The following LRSAM1 variants were observed in gnomAD, a reference collection of about 807,000 sequenced individuals.
The protein encoded by LRSAM1 is leucine rich repeat and sterile alpha motif containing 1.
LRSAM1 carries 96 observed loss-of-function variants against 118.1 expected under a neutral mutation model. The ratio of observed to expected loss-of-function variants is 0.81; its 90% CI spans 0.69 to 0.96. The LOEUF is 0.96. Among genes scored for constraint, LRSAM1 ranks in the 40% least tolerant of loss-of-function variants. The pLI, the probability that LRSAM1 is intolerant of heterozygous loss-of-function variation, is 0.00. For synonymous variants in LRSAM1, 322 were observed against 364.2 expected, an observed-to-expected ratio of 0.88 and a Z score of 1.32; for missense variants, 804 against 915.5, an observed-to-expected ratio of 0.88 and a Z score of 1.57.
At chr9:127,461,952 CA>C (rs1425320245) in intron 8 of LRSAM1, among the ~76,000 whole-genome samples, 1 of 152,238 alleles carries the variant, frequency 6.6e-6, no homozygotes, top group African/African-American at 2.4e-5. Flanking sequence ...GGACCTCACA[CA>C]TCATCTACCT....
At chr9:127,496,888 G>C (rs369551479) in intron 23 of LRSAM1, among the ~76,000 whole-genome samples, 1 of 152,172 alleles carries the variant, frequency 6.6e-6, no homozygotes, top group Non-Finnish European at 1.5e-5. Flanking sequence ...TTAGTGGCTT[G>C]GCCTCCAAGG....
chr9:127,500,953 AG>A, intron 24 of LRSAM1, 56 bp from the exon 25 acceptor site: 1 of 1,612,594 alleles, frequency 6.2e-7, no homozygotes, highest in Non-Finnish European at 8.5e-7. Context: ...ATGAGCCCCC[AG>A]GGGTTAGGGT....
chr9:127,486,144 C>T (rs1835721197), intron 17 of LRSAM1, among the ~76,000 whole-genome samples: 1 of 152,218 alleles, frequency 6.6e-6, no homozygotes, highest in Non-Finnish European at 1.5e-5. Context: ...GTTATTAGCC[C>T]GATTTCACAA....
intron 7 of LRSAM1, among the ~76,000 whole-genome samples, chr9:127,460,847 CTTTTTTTTTT>C (rs58140930): frequency 0.023 from 1,798 of 77,434 alleles, 50 homozygotes; most frequent in African/African-American, 0.083. Flanking sequence ...CTGTTTCTTT[CTTTTTTTTTT>C]TTTTTTTTTT....
At chr9:127,480,899 G>A (rs1252434707) in intron 14 of LRSAM1, among the ~76,000 whole-genome samples, 4 of 152,118 alleles carry the variant, frequency 2.6e-5, no homozygotes, top group Non-Finnish European at 5.9e-5. Flanking sequence ...GGCTGGTCTC[G>A]AACTCCTGAC....
At chr9:127,486,678 T>A (rs549682283) in intron 17 of LRSAM1, 1 of 152,416 alleles carries the variant, frequency 6.6e-6, no homozygotes, top group Admixed American at 6.5e-5. Flanking sequence ...TTCTGCTTAC[T>A]AACCGTGAGG....
In LRSAM1 at chr9:127,462,281, G is replaced by A. The variant is rs555377969; in HGVS notation, c.436G>A (p.Val146Met). The change falls in exon 9 of 26, where the codon GTG becomes ATG. Residue 146 changes from valine (V) to methionine (M), a missense_variant. Physicochemically the swap from Val to Met is conservative, Grantham distance 21. Transcript: ENST00000300417. Reference protein sequence around the residue: ...DNKLKELPDTVGELRSLRTLN... With the variant: ...DNKLKELPDTMGELRSLRTLN... ...CAAGCTGAAGGAGCTTCCAGACACCGTGGGGGAGCTTCGAAGCCTGCGTAC... is the reference window on the plus strand; with the variant it reads ...CAAGCTGAAGGAGCTTCCAGACACCATGGGGGAGCTTCGAAGCCTGCGTAC... 1.5e-5 allele frequency: 25 copies of A among 1,614,104 alleles called. No homozygotes were observed. In the African/African-American group the frequency reaches 1.6e-4, roughly 10 times the overall value.
At chr9:127,463,083 G>A (rs866943744) in intron 9 of LRSAM1, among the ~76,000 whole-genome samples, 1 of 151,634 alleles carries the variant, frequency 6.6e-6, no homozygotes, top group African/African-American at 2.4e-5. Flanking sequence ...TGTAATCCCA[G>A]CTACTCGGGG....
intron 23 of LRSAM1, among the ~76,000 whole-genome samples, chr9:127,496,913 C>G (rs1382502171): frequency 2.0e-5 from 3 of 152,252 alleles, no homozygotes; most frequent in Non-Finnish European, 2.9e-5. Context: ...TCTCCTCCCC[C>G]ACCTGGTGGG....
At chr9:127,463,057 C>G (rs763518698) in intron 9 of LRSAM1, among the ~76,000 whole-genome samples, 16 of 151,742 alleles carry the variant, frequency 1.1e-4, no homozygotes, top group Non-Finnish European at 1.9e-4. Flanking sequence ...ATTATCCAGG[C>G]GTGGTGGTGC....
chr9:127,456,058 C>T (rs1834503792), intron 5 of LRSAM1, among the ~76,000 whole-genome samples: 2 of 150,998 alleles, frequency 1.3e-5, no homozygotes, highest in Admixed American at 6.6e-5. Context: ...TCTGGTCACC[C>T]AGGGGAGATT....
At chr9:127,494,283 G>A (rs1836040714) in intron 21 of LRSAM1, among the ~76,000 whole-genome samples, 2 of 152,226 alleles carry the variant, frequency 1.3e-5, no homozygotes, top group Admixed American at 6.5e-5. Context: ...GGCCCAGCAG[G>A]GATTGAGAAA....
intron 3 of LRSAM1, 133 bp downstream of exon 3, chr9:127,454,732 C>T: frequency 9.6e-7 from 1 of 1,042,102 alleles, no homozygotes; most frequent in Non-Finnish European, 1.5e-6. Flanking sequence ...AAATATTTGA[C>T]TTAGACCCAA....
chr9:127,474,938 G>T (rs1281822254), intron 11 of LRSAM1, among the ~76,000 whole-genome samples: 1 of 152,314 alleles, frequency 6.6e-6, no homozygotes, highest in South Asian at 2.1e-4. Context: ...CTGGGCAGGA[G>T]TACCAGCTGC....
rs535634291 is a variant in LRSAM1, at chr9:127,489,449, G to A, written c.1353G>A (p.Ala451=). 1.1e-4 allele frequency: 180 copies of A among 1,607,590 alleles called. 3 individuals are homozygous for A. In the South Asian group the frequency reaches 1.6e-3, roughly 14 times the overall value. ...KAISQILQES[A]MQKAAFEALQ... ...GCTGGTGGTCTGTGTTGCAGAGCGC[G>A]ATGCAGAAGGCTGCGTTCGAGGCAC... Residue 451 remains alanine, a synonymous_variant, in exon 19 of 26, where the codon GCG becomes GCA. Transcript: ENST00000300417.
At chr9:127,453,744 C>T (rs1834407658) in intron 2 of LRSAM1, 1 of 152,976 alleles carries the variant, frequency 6.5e-6, no homozygotes, top group South Asian at 2.0e-4. Flanking sequence ...TTGTCTGTCT[C>T]CACCTCATCC....
chr9:127,468,407 C>T lies in LRSAM1; in HGVS notation c.619+577C>T, dbSNP rs570555109. Among the ~76,000 whole-genome samples the T allele has an allele frequency of 4.6e-5, 7 of 152,288 alleles. No homozygotes were observed. In the East Asian group the frequency reaches 1.2e-3, roughly 25 times the overall value. ...AGATGCACAGCAGAAGGAGCTAAAA[C>T]CCGGAGCCAGCACTGGCTGGAGGCG... On this transcript the variant is annotated intron_variant, in intron 10 of 25. Transcript: ENST00000300417.
At chr9:127,501,828 C>G (rs1836405820) in intron 25 of LRSAM1, among the ~76,000 whole-genome samples, 1 of 152,244 alleles carries the variant, frequency 6.6e-6, no homozygotes, top group East Asian at 1.9e-4. Context: ...TTTGCCTCCA[C>G]TGAGGGATCC....
chr9:127,452,607 C>T (rs1198259645), intron 2 of LRSAM1, among the ~76,000 whole-genome samples: 1 of 152,192 alleles, frequency 6.6e-6, no homozygotes, highest in Non-Finnish European at 1.5e-5. Flanking sequence ...CGCTCATGTG[C>T]CAGGTACTGT....
Sources: gnomAD v4.1 joint callset for allele counts (sites outside exome capture counted in the v4.1 genomes callset) on GRCh38, gnomAD v4.1.1 for gene constraint, MANE v1.5 for transcripts, NCBI Gene and HGNC (gene_info 2026-07-23, HGNC 2026-07-21) for gene names.